SYT9: variants seen among roughly 807,000 people sequenced by gnomAD.
SYT9 encodes the protein synaptotagmin 9.
In SYT9, 22 loss-of-function variants were observed where a neutral mutation model predicts 48.4. The ratio of observed to expected loss-of-function variants is 0.45; its 90% CI spans 0.32 to 0.65. SYT9 has a LOEUF of 0.65. Among genes scored for constraint, SYT9 ranks in the 30% least tolerant of loss-of-function variants. SYT9 has a pLI of 0.03. For missense variants in SYT9, 577 were observed against 622.0 expected (o/e 0.93, Z 0.77); for synonymous variants, 265 against 245.0 (o/e 1.08, Z -0.76).
intron 3 of SYT9, among the ~76,000 whole-genome samples, chr11:7,379,041 T>C (rs558730274): frequency 6.6e-6 from 1 of 152,292 alleles, no homozygotes; most frequent in East Asian, 1.9e-4. Context: ...CCAGTTACTT[T>C]TGGGTTTTTT....
chr11:7,255,469 G>A lies in SYT9; in HGVS notation c.145+3138G>A, dbSNP rs751832692. On this transcript the variant is annotated intron_variant, in intron 1 of 6. Transcript: ENST00000318881. The stretch of plus-strand genomic sequence containing the variant: ...GAAGTGACAACACTTTGACTGCTAT[G>A]TTGAAGAGCAAAGGTGAAGTCAGAG... 5.9e-5 allele frequency among the ~76,000 whole-genome samples: 9 copies of A among 152,362 alleles called. No homozygotes were observed. The East Asian group carries it at 1.7e-3, about 29-fold the overall frequency.
intron 3 of SYT9, among the ~76,000 whole-genome samples, chr11:7,384,404 C>G (rs1850619405): frequency 6.6e-6 from 1 of 152,162 alleles, no homozygotes; most frequent in Non-Finnish European, 1.5e-5. Context: ...GTACTTCTCC[C>G]CCTCCACTTG....
intron 1 of SYT9, among the ~76,000 whole-genome samples, chr11:7,268,107 T>C (rs1218094101): frequency 6.6e-6 from 1 of 151,958 alleles, no homozygotes; most frequent in Admixed American, 6.6e-5. Context: ...TAACAAAATA[T>C]TAAGTACTAC....
At position 7,252,291 on chromosome 11, in the gene SYT9, C is replaced by T; in HGVS notation, c.105C>T (p.Tyr35=). ...LEHDSCQDFI[Y]HLRDRARPRL... ...ACGACAGCTGCCAGGATTTCATTTA[C>T]CACCTGCGGGACCGTGCCAGACCCC... Residue 35 remains tyrosine (Y), a synonymous_variant, in exon 1 of 7, where the codon TAC becomes TAT. Transcript: ENST00000318881. The surrounding 1 kb of genome is among the most constrained non-coding windows in gnomAD (Gnocchi z 6.3). 1 of 1,514,706 alleles carries T rather than the reference C, an allele frequency of 6.6e-7. No homozygotes were observed. Among genetic ancestry groups the T allele is most frequent in the South Asian group, 1.2e-5 (1 of 80,078 alleles). The allele number at this position is 1,514,706 out of a possible 1,614,324, so 93.8% of individuals were successfully genotyped here.
At chr11:7,297,415 A>G (rs1475549668) in intron 1 of SYT9, among the ~76,000 whole-genome samples, 1 of 152,318 alleles carries the variant, frequency 6.6e-6, no homozygotes, top group Non-Finnish European at 1.5e-5. Flanking sequence ...CTATTTCTGT[A>G]TGTATTTAGA....
At chr11:7,397,404 C>A (rs1846776399) in intron 3 of SYT9, among the ~76,000 whole-genome samples, 1 of 152,140 alleles carries the variant, frequency 6.6e-6, no homozygotes, top group Non-Finnish European at 1.5e-5. Flanking sequence ...TTGCCAGTAC[C>A]TCACTATTTT....
chr11:7,459,960 G>A (rs539704255), intron 6 of SYT9, among the ~76,000 whole-genome samples: 2 of 152,228 alleles, frequency 1.3e-5, no homozygotes, highest in Admixed American at 1.3e-4. Context: ...AGACAATAAA[G>A]TTCTGTTATT....
At chr11:7,387,755 C>T (rs750126840) in intron 3 of SYT9, among the ~76,000 whole-genome samples, 16 of 152,142 alleles carry the variant, frequency 1.1e-4, no homozygotes, top group Non-Finnish European at 1.5e-4. Context: ...GATTTCATCA[C>T]ATTTTCTACA....
chr11:7,247,856 C>A (rs1051092416), upstream of SYT9, among the ~76,000 whole-genome samples: 1 of 151,960 alleles, frequency 6.6e-6, no homozygotes, highest in Non-Finnish European at 1.5e-5. Context: ...AGTGGGACAG[C>A]TGCATCAAAT....
intron 6 of SYT9, among the ~76,000 whole-genome samples, chr11:7,432,187 G>A (rs1159480925): frequency 6.6e-6 from 1 of 152,196 alleles, no homozygotes; most frequent in Admixed American, 6.5e-5. Flanking sequence ...GGCCTTGGGG[G>A]CCCACCCTTT....
At chr11:7,418,216 C>T (rs12364093) in intron 5 of SYT9, 88 bp downstream of exon 5, 201,066 of 1,439,850 alleles carry the variant, frequency 0.14, 14,613 homozygotes, top group East Asian at 0.27. Flanking sequence ...CAGATTCTTA[C>T]CTGGTGTCCC....
At position 7,442,839 on chromosome 11, in the gene SYT9, T is replaced by C. The variant is rs542088670; in HGVS notation, c.1467+22204T>C. 2.7e-5 allele frequency among the ~76,000 whole-genome samples: 4 copies of C among 149,494 alleles called. No homozygotes were observed. The South Asian group carries it at 6.4e-4, about 24-fold the overall frequency. Reference sequence around the variant, plus strand: ...ACTCTTCAGGACTCTGATGGGTTCATTGATACATCCATTCAAAAAAAAAGT... The same window carrying C: ...ACTCTTCAGGACTCTGATGGGTTCACTGATACATCCATTCAAAAAAAAAGT... On this transcript the variant is annotated intron_variant, in intron 6 of 6. Coordinates refer to ENST00000318881, the MANE Select transcript of SYT9 (RefSeq NM_175733.4).
intron 3 of SYT9, among the ~76,000 whole-genome samples, chr11:7,377,167 A>G (rs1231364877): frequency 3.3e-5 from 5 of 151,270 alleles, no homozygotes; most frequent in Non-Finnish European, 4.4e-5. Context: ...CCATTGATGT[A>G]CTGAGTTCAT....
At chr11:7,369,596 G>A (rs1416858016) in intron 3 of SYT9, among the ~76,000 whole-genome samples, 1 of 151,998 alleles carries the variant, frequency 6.6e-6, no homozygotes, top group Non-Finnish European at 1.5e-5. Context: ...TTCTTCTGGG[G>A]TTTTTATGGT....
intron 3 of SYT9, among the ~76,000 whole-genome samples, chr11:7,333,972 C>G (rs781036744): frequency 6.6e-6 from 1 of 152,082 alleles, no homozygotes; most frequent in Admixed American, 6.6e-5. Flanking sequence ...GCAGAGGAAA[C>G]GTAGGCAAGC....
intron 3 of SYT9, among the ~76,000 whole-genome samples, chr11:7,368,450 C>G (rs911893395): frequency 6.6e-6 from 1 of 152,088 alleles, no homozygotes; most frequent in Non-Finnish European, 1.5e-5. Context: ...CTGCATCTGT[C>G]AACCCATCAT....
At chr11:7,396,899 C>T (rs1192226901) in intron 3 of SYT9, among the ~76,000 whole-genome samples, 4 of 152,114 alleles carry the variant, frequency 2.6e-5, no homozygotes, top group Non-Finnish European at 5.9e-5. Flanking sequence ...TTTATACATA[C>T]AGTCTTTTAT....
At chr11:7,255,418 G>A (rs558916481) in intron 1 of SYT9, among the ~76,000 whole-genome samples, 1 of 152,290 alleles carries the variant, frequency 6.6e-6, no homozygotes, top group South Asian at 2.1e-4. Context: ...AATGAGATAG[G>A]AAGCCATTAG....
intron 6 of SYT9, among the ~76,000 whole-genome samples, chr11:7,429,090 C>T (rs1018168349): frequency 6.6e-6 from 1 of 152,106 alleles, no homozygotes; most frequent in African/African-American, 2.4e-5. Context: ...CTGTGGGCAC[C>T]CATACACCGA....
Sources: allele counts gnomAD v4.1 joint callset (sites outside exome capture counted in the v4.1 genomes callset), GRCh38; gene constraint gnomAD v4.1.1; non-coding constraint Gnocchi (gnomAD v3.1); transcripts MANE v1.5; gene names NCBI Gene and HGNC (gene_info 2026-07-23, HGNC 2026-07-21).